The following CNOT6 variants were observed in gnomAD, a reference collection of about 807,000 sequenced individuals.
CNOT6 encodes the protein CCR4-NOT transcription complex subunit 6, also known as carbon catabolite repression 4 protein.
In CNOT6, 12 loss-of-function variants were observed where a neutral mutation model predicts 61.2. The ratio of observed to expected loss-of-function variants is 0.20; its 90% CI spans 0.13 to 0.32. CNOT6 has a LOEUF of 0.32. CNOT6 is among the 10% of genes least tolerant of loss of function. The pLI is 1.00. For missense variants in CNOT6, 405 were observed against 663.9 expected, an observed-to-expected ratio of 0.61 and a Z score of 4.28; for synonymous variants, 225 against 240.6, an observed-to-expected ratio of 0.94 and a Z score of 0.60.
intron 2 of CNOT6, among the ~76,000 whole-genome samples, chr5:180,535,009 T>A (rs1452035532): frequency 1.5e-5 from 1 of 66,710 alleles, no homozygotes; most frequent in Non-Finnish European, 3.6e-5. Context: ...GTCCCTGGGG[T>A]CCGAGAGGCC....
At chr5:180,550,385 A>G (rs1035396837) in intron 3 of CNOT6, among the ~76,000 whole-genome samples, 8 of 151,670 alleles carry the variant, frequency 5.3e-5, no homozygotes, top group Non-Finnish European at 1.2e-4. Flanking sequence ...CGGGAGGTGG[A>G]GTGGCAGTGA....
At chr5:180,508,479 T>A (rs1303374643) in intron 1 of CNOT6, among the ~76,000 whole-genome samples, 2 of 151,836 alleles carry the variant, frequency 1.3e-5, no homozygotes, top group Non-Finnish European at 2.9e-5. Context: ...GCCCAGCTAA[T>A]TTTTGTATTT....
intron 2 of CNOT6, among the ~76,000 whole-genome samples, chr5:180,549,580 C>T (rs193062567): frequency 4.0e-5 from 6 of 151,822 alleles, no homozygotes; most frequent in Admixed American, 6.6e-5. Context: ...ACCCGGGAGG[C>T]GGAGCTTGCA....
chr5:180,518,667 C>CT (rs1757753199), intron 1 of CNOT6, among the ~76,000 whole-genome samples: 1 of 152,090 alleles, frequency 6.6e-6, no homozygotes, highest in African/African-American at 2.4e-5. Context: ...TGGGTGATTT[C>CT]TTTTTAGTTT....
intron 2 of CNOT6, among the ~76,000 whole-genome samples, chr5:180,538,200 G>C (rs531374913): frequency 6.6e-6 from 1 of 151,510 alleles, no homozygotes; most frequent in Non-Finnish European, 1.5e-5. Flanking sequence ...CACAACTGCC[G>C]GCTAATTTAT....
chr5:180,560,844 G>A (rs1023019893), intron 4 of CNOT6, among the ~76,000 whole-genome samples: 3 of 152,170 alleles, frequency 2.0e-5, no homozygotes, highest in Non-Finnish European at 4.4e-5. Flanking sequence ...CAGCGTCCAA[G>A]GCTCTGATGA....
At chr5:180,501,189 A>G (rs1476678221) in intron 1 of CNOT6, among the ~76,000 whole-genome samples, 1 of 152,206 alleles carries the variant, frequency 6.6e-6, no homozygotes, top group Non-Finnish European at 1.5e-5. Flanking sequence ...ATGAAAATGT[A>G]GAAGCTGGAT....
At chr5:180,507,465 G>A (rs1276552895) in intron 1 of CNOT6, among the ~76,000 whole-genome samples, 1 of 152,084 alleles carries the variant, frequency 6.6e-6, no homozygotes, top group African/African-American at 2.4e-5. Context: ...AGCCAGGCGT[G>A]GTGGTGGGTG....
intron 2 of CNOT6, among the ~76,000 whole-genome samples, chr5:180,543,444 A>G (rs921298687): frequency 6.6e-6 from 1 of 152,234 alleles, no homozygotes; most frequent in South Asian, 2.1e-4. Flanking sequence ...ATAGTTCCAC[A>G]TCAGTGTATG....
intron 1 of CNOT6, among the ~76,000 whole-genome samples, chr5:180,513,804 G>A (rs1253004331): frequency 6.6e-6 from 1 of 151,930 alleles, no homozygotes; most frequent in Non-Finnish European, 1.5e-5. Context: ...CTGGGTTCAC[G>A]CCATTCTCCT....
At chr5:180,567,498 T>C (rs1760524440) in intron 8 of CNOT6, among the ~76,000 whole-genome samples, 1 of 152,234 alleles carries the variant, frequency 6.6e-6, no homozygotes. Flanking sequence ...TGAAATACCA[T>C]GTAGTTAAAA....
intron 1 of CNOT6, among the ~76,000 whole-genome samples, chr5:180,498,642 G>A (rs978394958): frequency 2.6e-5 from 4 of 152,176 alleles, no homozygotes; most frequent in Non-Finnish European, 2.9e-5. Context: ...TAAGCTAAAA[G>A]GGAAGTGTAT....
rs551579266 is a variant in CNOT6, at chr5:180,563,353, T to G, written c.386-1136T>G. 2.0e-5 allele frequency among the ~76,000 whole-genome samples: 3 copies of G among 152,184 alleles called. 1 individual carries two copies. The South Asian group carries it at 6.3e-4, about 32-fold the overall frequency. On this transcript the variant is annotated intron_variant, in intron 4 of 11. Coordinates refer to ENST00000261951, the MANE Select transcript of CNOT6 (RefSeq NM_001370472.1). ...GCCTCAGCCTCCTGAGTAGCTGGAC[T>G]ACAGGCGCCCGCCACCACGCCTGGC...
In CNOT6 at chr5:180,540,426, T is replaced by C. The variant is rs565434324; in HGVS notation, c.113-9505T>C. Among the ~76,000 whole-genome samples, 16 of 152,364 alleles carry C rather than the reference T, an allele frequency of 1.1e-4. No individual in the cohort carries two copies. The East Asian group carries it at 3.1e-3, about 29-fold the overall frequency. On this transcript the variant is annotated intron_variant, in intron 2 of 11. Coordinates refer to ENST00000261951, the MANE Select transcript of CNOT6 (RefSeq NM_001370472.1). The stretch of plus-strand genomic sequence containing the variant: ...TATACAGGCAGTCTCTGGCTCACGA[T>C]GGTTCGCCTTTTGATAGTATGAAAG...
At chr5:180,503,600 CCTT>C (rs1446978897) in intron 1 of CNOT6, among the ~76,000 whole-genome samples, 7 of 102,868 alleles carry the variant, frequency 6.8e-5, no homozygotes, top group African/African-American at 2.5e-4. Flanking sequence ...TGCCCTACTT[CCTT>C]TTTTTTTTTT....
intron 2 of CNOT6, among the ~76,000 whole-genome samples, chr5:180,547,389 G>A (rs571467310): frequency 7.2e-4 from 109 of 151,894 alleles, no homozygotes; most frequent in South Asian, 4.4e-3. Context: ...GCGTGGTGGC[G>A]GGCGCCTGTA....
chr5:180,511,229 C>A (rs1402599782), intron 1 of CNOT6, among the ~76,000 whole-genome samples: 1 of 151,948 alleles, frequency 6.6e-6, no homozygotes, highest in Non-Finnish European at 1.5e-5. Context: ...TGTAATCCCA[C>A]CACTTTGGGA....
At chr5:180,531,386 G>T (rs1217791401) in intron 2 of CNOT6, among the ~76,000 whole-genome samples, 1 of 151,722 alleles carries the variant, frequency 6.6e-6, no homozygotes, top group Non-Finnish European at 1.5e-5. Context: ...CATCCCACAC[G>T]GGGCGGCGGG....
At chr5:180,550,582 C>T (rs1360267821) in intron 3 of CNOT6, among the ~76,000 whole-genome samples, 1 of 152,164 alleles carries the variant, frequency 6.6e-6, no homozygotes, top group Non-Finnish European at 1.5e-5. Flanking sequence ...AATTGAATGT[C>T]AGCTAATAAT....
Sources: allele counts gnomAD v4.1 joint callset (sites outside exome capture counted in the v4.1 genomes callset), GRCh38; gene constraint gnomAD v4.1.1; transcripts MANE v1.5; gene names NCBI Gene and HGNC (gene_info 2026-07-23, HGNC 2026-07-21).